DGLUCY: variants seen among roughly 807,000 people sequenced by gnomAD.
DGLUCY encodes D-glutamate cyclase, also known as D-glutamate cyclase, mitochondrial.
In DGLUCY, 58 loss-of-function variants were observed where a neutral mutation model predicts 58.5. That is an observed-to-expected ratio of 0.99 (90% CI 0.80 to 1.23). The LOEUF is 1.23. Among genes scored for constraint, DGLUCY ranks in the 50% most tolerant of loss-of-function variants. DGLUCY has a pLI of 0.00. For missense variants in DGLUCY, 779 were observed against 784.7 expected, an observed-to-expected ratio of 0.99 and a Z score of 0.09; for synonymous variants, 325 against 314.1, an observed-to-expected ratio of 1.03 and a Z score of -0.37.
intron 1 of DGLUCY, among the ~76,000 whole-genome samples, chr14:91,155,382 A>G (rs983434715): frequency 6.6e-6 from 1 of 152,206 alleles, no homozygotes; most frequent in African/African-American, 2.4e-5. Context: ...ACCACCACTC[A>G]GTGAGGTACT....
chr14:91,177,751 A>T (rs2048941347), intron 7 of DGLUCY, among the ~76,000 whole-genome samples: 2 of 152,246 alleles, frequency 1.3e-5, no homozygotes, highest in African/African-American at 4.8e-5. Flanking sequence ...CGAGGGAAAG[A>T]TCATCCCTAA....
intron 1 of DGLUCY, among the ~76,000 whole-genome samples, chr14:91,155,105 C>T (rs998315589): frequency 3.9e-5 from 6 of 152,234 alleles, no homozygotes; most frequent in South Asian, 4.1e-4. Flanking sequence ...GGCCCCGGAG[C>T]GCTAAGCACA....
At chr14:91,061,147 T>G (rs1197459547) in intron 1 of DGLUCY, among the ~76,000 whole-genome samples, 2 of 152,168 alleles carry the variant, frequency 1.3e-5, no homozygotes, top group South Asian at 2.1e-4. Flanking sequence ...CCCACGTGTT[T>G]GCAGACAAAC....
At chr14:91,136,004 G>C (rs901472172) in intron 1 of DGLUCY, among the ~76,000 whole-genome samples, 3 of 143,884 alleles carry the variant, frequency 2.1e-5, no homozygotes, top group African/African-American at 7.8e-5. Flanking sequence ...CTGCAATCTC[G>C]GCTCACTGCA....
intron 1 of DGLUCY, among the ~76,000 whole-genome samples, chr14:91,135,627 G>A (rs1202975974): frequency 7.7e-6 from 1 of 130,276 alleles, no homozygotes; most frequent in Non-Finnish European, 1.5e-5. Flanking sequence ...TCTAGCCTGG[G>A]CAACAAGAGT....
chr14:91,083,794 G>A (rs186653836), intron 1 of DGLUCY, among the ~76,000 whole-genome samples: 38 of 152,012 alleles, frequency 2.5e-4, no homozygotes, highest in Admixed American at 3.9e-4. Context: ...CATTGCTAAA[G>A]CACCATTCAG....
chr14:91,066,303 G>A (rs1351785349), intron 1 of DGLUCY, among the ~76,000 whole-genome samples: 2 of 151,258 alleles, frequency 1.3e-5, no homozygotes, highest in African/African-American at 2.4e-5. Context: ...ACTTGAACCC[G>A]GGAGGCAGAG....
At position 91,177,230 on chromosome 14, in the gene DGLUCY, G is replaced by A. The variant is rs114528098; in HGVS notation, c.730+1174G>A. Among the ~76,000 whole-genome samples, 734 of 152,186 alleles carry A rather than the reference G, an allele frequency of 4.8e-3. 7 individuals carry two copies. Among genetic ancestry groups the A allele is most frequent in the African/African-American group, 0.017 (692 of 41,526 alleles). On this transcript the variant is annotated intron_variant, in intron 7 of 13. Coordinates refer to ENST00000256324, the MANE Select transcript of DGLUCY (RefSeq NM_001102368.3). ...TGTCCAGGCTGGTCTCAAAGTTCTG[G>A]GCTCAAGTGATTCTCCTGCCCCAGC...
chr14:91,158,348 G>T (rs1001176917), intron 2 of DGLUCY, among the ~76,000 whole-genome samples: 1 of 152,190 alleles, frequency 6.6e-6, no homozygotes, highest in Non-Finnish European at 1.5e-5. Flanking sequence ...CGGGGACTAA[G>T]TGTTCTCTCC....
At chr14:91,060,737 T>G (rs2043643778) in intron 1 of DGLUCY, 1 of 265,664 alleles carries the variant, frequency 3.8e-6, no homozygotes, top group Non-Finnish European at 7.1e-6. Flanking sequence ...CTTCGCTGAT[T>G]GGACACAGGG....
chr14:91,086,718 G>C (rs1002098833), intron 1 of DGLUCY, among the ~76,000 whole-genome samples: 8 of 152,084 alleles, frequency 5.3e-5, no homozygotes, highest in Non-Finnish European at 1.0e-4. Context: ...TTGAGGGCTA[G>C]ACACTCAATA....
upstream of DGLUCY, among the ~76,000 whole-genome samples, chr14:91,113,450 A>G (rs568080597): frequency 6.6e-6 from 1 of 152,318 alleles, no homozygotes; most frequent in African/African-American, 2.4e-5. Flanking sequence ...CATAGTTACT[A>G]TCTTTTGAGC....
upstream of DGLUCY, among the ~76,000 whole-genome samples, chr14:91,104,965 C>T (rs1439946786): frequency 6.6e-6 from 1 of 152,152 alleles, no homozygotes; most frequent in Non-Finnish European, 1.5e-5. Flanking sequence ...CATCTTATGA[C>T]GCAGAGTTTA....
At chr14:91,141,004 G>T (rs2046635417) in intron 1 of DGLUCY, among the ~76,000 whole-genome samples, 1 of 152,172 alleles carries the variant, frequency 6.6e-6, no homozygotes, top group Non-Finnish European at 1.5e-5. Context: ...CCAGTGGATA[G>T]TTCTTAAGGC....
rs373541755 is a variant in DGLUCY, at chr14:91,223,893, A to G, written c.1717-791A>G. On this transcript the variant is annotated intron_variant, in intron 13 of 13. Coordinates refer to ENST00000256324, the MANE Select transcript of DGLUCY (RefSeq NM_001102368.3). ...AGATAAGCACACTAAGGCACAGAAC[A>G]GTTAAAATTCCTGCCAGGAAAGACT... 8.9e-5 allele frequency: 28 copies of G among 313,708 alleles called. 1 individual carries two copies. In the East Asian group the frequency reaches 2.0e-3, roughly 22 times the overall value. The allele number at this position is 313,708 out of a possible 1,614,324, so 19.4% of individuals were successfully genotyped here.
At chr14:91,076,217 G>A (rs2140037784) in intron 1 of DGLUCY, among the ~76,000 whole-genome samples, 1 of 152,212 alleles carries the variant, frequency 6.6e-6, no homozygotes, top group South Asian at 2.1e-4. Flanking sequence ...CAGTATCTGT[G>A]GGGGATTAAT....
chr14:91,214,364 C>T (rs896774800), intron 12 of DGLUCY, among the ~76,000 whole-genome samples: 4 of 152,134 alleles, frequency 2.6e-5, no homozygotes, highest in African/African-American at 9.7e-5. Flanking sequence ...AGGGAAGAGC[C>T]AAGGAGATGG....
chr14:91,067,905 A>G (rs769394959), intron 1 of DGLUCY, among the ~76,000 whole-genome samples: 1 of 152,112 alleles, frequency 6.6e-6, no homozygotes, highest in Non-Finnish European at 1.5e-5. Flanking sequence ...GCCATGTGAT[A>G]TAGAGCCAGT....
intron 1 of DGLUCY, among the ~76,000 whole-genome samples, chr14:91,099,863 C>T (rs2140080871): frequency 6.6e-6 from 1 of 152,210 alleles, no homozygotes; most frequent in South Asian, 2.1e-4. Flanking sequence ...TCACCTTCGA[C>T]ATCCTCACCT....
Sources: gnomAD v4.1 joint callset for allele counts (sites outside exome capture counted in the v4.1 genomes callset) on GRCh38, gnomAD v4.1.1 for gene constraint, MANE v1.5 for transcripts, NCBI Gene and HGNC (gene_info 2026-07-23, HGNC 2026-07-21) for gene names.